The following SNX8 variants were observed in gnomAD, a reference collection of about 807,000 sequenced individuals.
SNX8 encodes the protein sorting nexin 8.
A neutral mutation model predicts 51.6 loss-of-function variants in SNX8; 25 were observed. That is an observed-to-expected ratio of 0.48 (90% CI 0.35 to 0.68). SNX8 has a LOEUF of 0.68. SNX8 is among the 30% of genes least tolerant of loss of function. The pLI is 0.00. For missense variants in SNX8, 695 were observed against 624.0 expected (o/e 1.11, Z -1.21); for synonymous variants, 324 against 277.0 (o/e 1.17, Z -1.68).
intron 1 of SNX8, among the ~76,000 whole-genome samples, chr7:2,335,814 AAAAAAAAAAAAAAATTCTACAGTAGGC>A (rs1241278094): frequency 1.3e-5 from 2 of 151,272 alleles, no homozygotes; most frequent in African/African-American, 4.9e-5. Flanking sequence ...AAAAAAAAAA[AAAAAAAAAAAAAAATTCTACAGTAGGC>A]AAAACTTGAT....
At chr7:2,314,651 G>C (rs951909783), upstream of SNX8, among the ~76,000 whole-genome samples, 4 of 152,156 alleles carry the variant, frequency 2.6e-5, no homozygotes, top group African/African-American at 9.7e-5. Flanking sequence ...CACGGAGCCT[G>C]CTGGTGGCGC....
At chr7:2,329,423 T>C (rs1778689073) in intron 1 of SNX8, among the ~76,000 whole-genome samples, 1 of 152,048 alleles carries the variant, frequency 6.6e-6, no homozygotes, top group African/African-American at 2.4e-5. Flanking sequence ...CGGCACACAG[T>C]TGTGGTGTTA....
intron 1 of SNX8, among the ~76,000 whole-genome samples, chr7:2,352,449 A>G (rs1483358292): frequency 6.6e-6 from 1 of 152,130 alleles, no homozygotes; most frequent in Admixed American, 6.6e-5. Flanking sequence ...CCACATCCAC[A>G]TAACTTTTAT....
Position 2,340,017 on chromosome 7 carries a change from A to T in SNX8, c.-66+14205T>A, listed in dbSNP as rs533612052. Among the ~76,000 whole-genome samples the T allele has an allele frequency of 8.9e-4, 136 of 152,214 alleles. 2 individuals carry two copies. The highest frequency in any genetic ancestry group is 6.0e-4 in the Non-Finnish European group (41 of 68,022). ...TTGCACACCAAAAATACAAACAAAA[A>T]ATTTGAATTGAAACATATATCTACA... is the stretch of plus-strand genomic sequence containing the variant. On this transcript the variant is annotated intron_variant, in intron 1 of 5. Coordinates refer to the SNX8 transcript ENST00000435336.
intron 1 of SNX8, among the ~76,000 whole-genome samples, chr7:2,313,089 C>G (rs1333561403): frequency 6.6e-6 from 1 of 151,788 alleles, no homozygotes; most frequent in African/African-American, 2.4e-5. Flanking sequence ...TTAGTAGAGA[C>G]AGGGTTTCAC....
At chr7:2,340,936 C>G (rs1418782845) in intron 1 of SNX8, among the ~76,000 whole-genome samples, 1 of 147,072 alleles carries the variant, frequency 6.8e-6, no homozygotes, top group Non-Finnish European at 1.5e-5. Flanking sequence ...GTAATCCCAG[C>G]ACTTTGGGAG....
chr7:2,348,012 C>T (rs1043261710), intron 1 of SNX8, among the ~76,000 whole-genome samples: 1 of 152,000 alleles, frequency 6.6e-6, no homozygotes, highest in African/African-American at 2.4e-5. Flanking sequence ...GGACATAGAC[C>T]GGTTTATGTA....
intron 1 of SNX8, among the ~76,000 whole-genome samples, chr7:2,351,622 GGA>G (rs1779140242): frequency 7.9e-5 from 12 of 151,472 alleles, no homozygotes; most frequent in African/African-American, 2.4e-4. Flanking sequence ...CACGAGGTCA[GGA>G]GAGTGAGACC....
intron 1 of SNX8, among the ~76,000 whole-genome samples, chr7:2,321,686 T>TTACAGC (rs1055212744): frequency 6.7e-6 from 1 of 149,536 alleles, no homozygotes; most frequent in Non-Finnish European, 1.5e-5. Flanking sequence ...AGTGCTGGGA[T>TTACAGC]TACAGCTGTG....
chr7:2,331,316 ATATTG>A (rs1440790490), intron 1 of SNX8, among the ~76,000 whole-genome samples: 1 of 151,980 alleles, frequency 6.6e-6, no homozygotes, highest in East Asian at 1.9e-4. Context: ...TGATTTAGCC[ATATTG>A]TAAGATACAA....
rs1489865659 is a variant in SNX8, at chr7:2,300,993, C to T, written c.94+13335G>A. On this transcript the variant is annotated intron_variant, in intron 1 of 10. Transcript: ENST00000222990. The stretch of plus-strand genomic sequence containing the variant: ...TCGAACGAGACAAGTAACCATTCTC[C>T]CACAAAATGACTTCAACACTCACAA... Among the ~76,000 whole-genome samples, 3 of 152,146 alleles carry T rather than the reference C, an allele frequency of 2.0e-5. No homozygotes were observed. In the East Asian group the frequency reaches 5.8e-4, roughly 29 times the overall value.
chr7:2,330,627 G>GC (rs1778713111), intron 1 of SNX8, among the ~76,000 whole-genome samples: 1 of 152,034 alleles, frequency 6.6e-6, no homozygotes, highest in Non-Finnish European at 1.5e-5. Flanking sequence ...TGGGAACTGA[G>GC]CCCCCAACCT....
chr7:2,278,178 C>T lies in SNX8; in HGVS notation c.222G>A (p.Arg74=). ...GAATGAGCTCCACCTGCACGGTGTC[C>T]CTGGCCAGCAGCTCCTGCAGGGTGT... ...LSHTLQELLA[R]DTVQVELIPE... Residue 74 remains arginine, a synonymous_variant, in exon 2 of 11, where the codon AGG becomes AGA. Coordinates refer to ENST00000222990, the MANE Select transcript of SNX8 (RefSeq NM_013321.4). 6.2e-7 allele frequency: 1 copy of T among 1,614,082 alleles called. No homozygotes were observed.
chr7:2,340,559 T>A (rs1325185643), intron 1 of SNX8, among the ~76,000 whole-genome samples: 2 of 151,690 alleles, frequency 1.3e-5, no homozygotes, highest in Admixed American at 6.6e-5. Context: ...ACTTTAGTTG[T>A]CAAACTCTAA....
rs1795070682 is a variant in SNX8 at position 2,252,725 on chromosome 7, T to TGCCCTCTTGCTCTCCTCACCCCG, written c.*2330_*2331insCGGGGTGAGGAGAGCAAGAGGGC. ...CCTGCCCTCTTGCTCTCCTCACCCC[T>TGCCCTCTTGCTCTCCTCACCCCG]GCCCTCTTGCTCTCTCCTCACCCCT... On this transcript the variant is annotated 3_prime_UTR_variant, in exon 11 of 11. Transcript: ENST00000222990. The TGCCCTCTTGCTCTCCTCACCCCG allele has an allele frequency of 8.9e-6, 1 of 112,048 alleles. No individual in the cohort carries two copies. The highest frequency in any genetic ancestry group is 3.3e-5 in the African/African-American group (1 of 30,272). The allele number at this position is 112,048 out of a possible 1,614,324, so 6.9% of individuals were successfully genotyped here.
intron 1 of SNX8, chr7:2,309,982 G>C: frequency 7.1e-6 from 3 of 419,776 alleles, no homozygotes. Context: ...CGGACAAACA[G>C]CACGGAGCTT....
At chr7:2,310,117 G>T (rs1431298526) in intron 1 of SNX8, among the ~76,000 whole-genome samples, 1 of 152,110 alleles carries the variant, frequency 6.6e-6, no homozygotes. Flanking sequence ...ATACGCCGTG[G>T]TCATCTGTAC....
Position 2,302,715 on chromosome 7 carries a change from G to A in SNX8, c.94+11613C>T, listed in dbSNP as rs958383087. 4.0e-5 allele frequency among the ~76,000 whole-genome samples: 6 copies of A among 150,930 alleles called. No individual in the cohort carries two copies. The East Asian group carries it at 7.9e-4, about 20-fold the overall frequency. ...AAGTGAGGAGTGTCTTTGCCCGGCC[G>A]CCCATCGTCTGAGATGTGGGGAGCG... On this transcript the variant is annotated intron_variant, in intron 1 of 10. Coordinates refer to ENST00000222990, the MANE Select transcript of SNX8 (RefSeq NM_013321.4).
At chr7:2,316,280 CACA>C (rs375023046), upstream of SNX8, among the ~76,000 whole-genome samples, 2 of 144,968 alleles carry the variant, frequency 1.4e-5, no homozygotes, top group South Asian at 2.2e-4. Flanking sequence ...AATTCATTCA[CACA>C]ACCACTCACT....
Sources: allele counts gnomAD v4.1 joint callset (sites outside exome capture counted in the v4.1 genomes callset), GRCh38; gene constraint gnomAD v4.1.1; transcripts MANE v1.5; gene names NCBI Gene and HGNC (gene_info 2026-07-23, HGNC 2026-07-21).